Variants in NCOR1 observed in about 807,000 individuals in gnomAD.
NCOR1 encodes the protein protein phosphatase 1, regulatory subunit 109.
NCOR1 carries 63 observed loss-of-function variants against 288.1 expected under a neutral mutation model. The observed-to-expected ratio is 0.22, with a 90% CI of 0.18 to 0.27. The LOEUF (loss-of-function observed/expected upper bound fraction) is 0.27, where lower values mean the gene tolerates loss of function less well. NCOR1 is among the 10% of genes least tolerant of loss of function. The probability of loss-of-function intolerance (pLI) is 1.00; values close to 1 mark genes in which losing one functional copy is unlikely to be tolerated. For missense variants in NCOR1, 2,397 were observed against 3,019.2 expected, an observed-to-expected ratio of 0.79 and a Z score of 4.83; for synonymous variants, 1,007 against 1,065.9, an observed-to-expected ratio of 0.94 and a Z score of 1.08.
chr17:16,050,228 T>G (rs934552350), intron 40 of NCOR1, among the ~76,000 whole-genome samples: 1 of 151,044 alleles, frequency 6.6e-6, no homozygotes, highest in Admixed American at 6.6e-5. Context: ...ACCCTCAATT[T>G]TTTTTTTTTT....
At position 16,186,585 on chromosome 17, in the gene NCOR1, A is replaced by T; in HGVS notation, c.211T>A (p.Leu71Met). The change falls in exon 3 of 46, where the codon TTG (leucine) becomes ATG (methionine). Residue 71 changes from leucine (L) to methionine (M), a missense_variant. Leu to Met is a conservative substitution (Grantham distance 15). Coordinates refer to ENST00000268712, the MANE Select transcript of NCOR1 (RefSeq NM_006311.4). The part of the protein sequence containing the change: ...QQQQLRRRPS[L>M]LSEFHPGSDR... ...GAACCTGGGTGAAATTCTGAAAGCAAGGAAGGTCGCCTTCGAAGCTGTTGC... is the reference window on the plus strand; with the variant it reads ...GAACCTGGGTGAAATTCTGAAAGCATGGAAGGTCGCCTTCGAAGCTGTTGC... The T allele has an allele frequency of 6.2e-7, 1 of 1,614,136 alleles. No individual in the cohort carries two copies. Among genetic ancestry groups the T allele is most frequent in the Middle Eastern group, 1.6e-4 (1 of 6,062 alleles).
rs1423236473 is a variant in NCOR1, at chr17:16,030,014, C to T, written c.*2282G>A. ...TAGACCCCCTAAGTAGTCAAAAATC[C>T]ACATCTAACTTTGACTCCTCCAAAA... On this transcript the variant is annotated 3_prime_UTR_variant, in exon 46 of 46. Coordinates refer to ENST00000268712, the MANE Select transcript of NCOR1 (RefSeq NM_006311.4). 1 of 170,392 alleles carries T rather than the reference C, an allele frequency of 5.9e-6. No homozygotes were observed. Among genetic ancestry groups the T allele is most frequent in the Non-Finnish European group, 1.3e-5 (1 of 78,526 alleles). The allele number at this position is 170,392 out of a possible 1,614,324, so 10.6% of individuals were successfully genotyped here. A position where few individuals can be genotyped will look rare whatever the true frequency, so the allele number is the denominator to read the frequency against.
At chr17:16,183,230 C>CAAAA (rs59665102) in intron 3 of NCOR1, among the ~76,000 whole-genome samples, 23 of 64,056 alleles carry the variant, frequency 3.6e-4, no homozygotes, top group South Asian at 4.8e-4. Flanking sequence ...AGCAATCAAA[C>CAAAA]AAAAAAAAAA....
intron 45 of NCOR1, among the ~76,000 whole-genome samples, chr17:16,034,218 G>C (rs1236080557): frequency 2.0e-5 from 3 of 152,166 alleles, no homozygotes; most frequent in Non-Finnish European, 4.4e-5. Context: ...GAATGGTTGA[G>C]ATTATTTTTT....
chr17:16,047,915 G>A (rs968400453), intron 41 of NCOR1, among the ~76,000 whole-genome samples: 9 of 152,132 alleles, frequency 5.9e-5, no homozygotes, highest in Admixed American at 1.3e-4. Context: ...CATAAACGTA[G>A]GGGAAAGATG....
chr17:16,180,466 C>A (rs1396244244), intron 3 of NCOR1, among the ~76,000 whole-genome samples: 1 of 152,086 alleles, frequency 6.6e-6, no homozygotes, highest in Non-Finnish European at 1.5e-5. Context: ...ATAAAGATAT[C>A]TGGGGTGGGC....
rs1339613806 is a variant in NCOR1, at chr17:16,030,736, C to A, written c.*1560G>T. 1 of 179,424 alleles carries A rather than the reference C, an allele frequency of 5.6e-6. No homozygotes were observed. Among genetic ancestry groups the A allele is most frequent in the Admixed American group, 6.3e-5 (1 of 15,872 alleles). The allele number at this position is 179,424 out of a possible 1,614,324, so 11.1% of individuals were successfully genotyped here. A position where few individuals can be genotyped will look rare whatever the true frequency, so the allele number is the denominator to read the frequency against. Reference sequence around the variant, plus strand: ...ACAAATGTGGGCTTATGGCCTATCTCTGTCACTAATTTAACTATATGGGCA... The same window carrying A: ...ACAAATGTGGGCTTATGGCCTATCTATGTCACTAATTTAACTATATGGGCA... On this transcript the variant is annotated 3_prime_UTR_variant, in exon 46 of 46. Transcript: ENST00000268712.
Position 16,127,247 on chromosome 17 carries a change from GTA to G in NCOR1, c.1510-1043_1510-1042del, listed in dbSNP as rs529054011. 4.2e-3 allele frequency among the ~76,000 whole-genome samples: 536 copies of G among 129,068 alleles called. 132 individuals carry two copies. The highest frequency in any genetic ancestry group is 0.022 in the South Asian group (92 of 4,178). 84.7% of individuals were successfully genotyped at this position (129,068 alleles called of 152,430 possible). A position where few individuals can be genotyped will look rare whatever the true frequency, so the allele number is the denominator to read the frequency against. On this transcript the variant is annotated intron_variant, in intron 14 of 45. Coordinates refer to ENST00000268712, the MANE Select transcript of NCOR1 (RefSeq NM_006311.4). The stretch of plus-strand genomic sequence containing the variant: ...TATATACATGTATGCATATATGTAT[GTA>G]TATATGTGTGTGTATATATGTATGT...
chr17:16,066,731 T>C (rs117204737), intron 32 of NCOR1, among the ~76,000 whole-genome samples: 1,980 of 152,330 alleles, frequency 0.013, 33 homozygotes, highest in Non-Finnish European at 0.017. Flanking sequence ...TGAAACAGTG[T>C]TGTCAAATGA....
At chr17:16,176,567 C>G (rs904802461) in intron 3 of NCOR1, among the ~76,000 whole-genome samples, 1 of 152,138 alleles carries the variant, frequency 6.6e-6, no homozygotes, top group Non-Finnish European at 1.5e-5. Flanking sequence ...CCACGCCCGG[C>G]CTCTTTCAGT....
Position 16,037,131 on chromosome 17 carries a change from G to A in NCOR1, c.6956-2187C>T, listed in dbSNP as rs576764554. Among the ~76,000 whole-genome samples, 199 of 152,328 alleles carry A rather than the reference G, an allele frequency of 1.3e-3. 1 individual carries two copies. The highest frequency in any genetic ancestry group is 4.5e-3 in the African/African-American group (189 of 41,578). Reference sequence around the variant, plus strand: ...TCAGGGAATAAGGGAGCCAGAGGAGGAGAGAGACAGGGAACAACCAGTCAG... The same window carrying A: ...TCAGGGAATAAGGGAGCCAGAGGAGAAGAGAGACAGGGAACAACCAGTCAG... On this transcript the variant is annotated intron_variant, in intron 44 of 45. Coordinates refer to ENST00000268712, the MANE Select transcript of NCOR1 (RefSeq NM_006311.4).
At chr17:16,205,966 TAC>T (rs1181036703) in intron 1 of NCOR1, among the ~76,000 whole-genome samples, 1 of 147,966 alleles carries the variant, frequency 6.8e-6, no homozygotes, top group Non-Finnish European at 1.5e-5. Context: ...AAGAAAGAAA[TAC>T]AACTCTCCCC....
chr17:16,188,231 C>T (rs895618979), intron 2 of NCOR1, among the ~76,000 whole-genome samples: 1 of 152,034 alleles, frequency 6.6e-6, no homozygotes, highest in African/African-American at 2.4e-5. Context: ...CATTGAGAGC[C>T]CTTCTCTATA....
chr17:16,048,995 T>C lies in NCOR1; in HGVS notation c.6393-7A>G. 1 of 1,600,500 alleles carries C rather than the reference T, an allele frequency of 6.2e-7. No individual in the cohort carries two copies. Among genetic ancestry groups the C allele is most frequent in the Non-Finnish European group, 8.5e-7 (1 of 1,170,670 alleles). On this transcript the variant is annotated splice_region_variant and splice_polypyrimidine_tract_variant and intron_variant, in intron 40 of 45. Coordinates refer to ENST00000268712, the MANE Select transcript of NCOR1 (RefSeq NM_006311.4). ...TGGGGATTTTCCAGGCCTACTATTG[T>C]AATATGTGAAATATTAGATTGTGTT...
rs990632113 is a variant in NCOR1, at chr17:16,215,474, C to T, written c.-183G>A. Reference sequence around the variant, plus strand: ...CGTTCGGCGCGGCGAGTCGGACGCTCACTCCAGCCGCCGCCGCCGCCGCGG... The same window carrying T: ...CGTTCGGCGCGGCGAGTCGGACGCTTACTCCAGCCGCCGCCGCCGCCGCGG... On this transcript the variant is annotated 5_prime_UTR_variant, in exon 1 of 46. It removes the in-frame stop codon of an upstream open reading frame in the 5' UTR. Coordinates refer to ENST00000268712, the MANE Select transcript of NCOR1 (RefSeq NM_006311.4). The T allele has an allele frequency of 3.4e-4, 134 of 398,250 alleles. 1 individual carries two copies. The highest frequency in any genetic ancestry group is 6.3e-4 in the Middle Eastern group (1 of 1,586). 24.7% of individuals were successfully genotyped at this position (398,250 alleles called of 1,614,324 possible).
intron 9 of NCOR1, among the ~76,000 whole-genome samples, chr17:16,147,824 TC>T (rs2078223273): frequency 6.6e-6 from 1 of 152,096 alleles, no homozygotes; most frequent in South Asian, 2.1e-4. Flanking sequence ...AAATGCAAAT[TC>T]TTTTTTTTTT....
intron 1 of NCOR1, among the ~76,000 whole-genome samples, chr17:16,204,097 G>A (rs955163064): frequency 6.6e-6 from 1 of 151,950 alleles, no homozygotes; most frequent in African/African-American, 2.4e-5. Context: ...GGTAATCAAA[G>A]AGATCAAAAT....
At chr17:16,106,166 A>G (rs748904821) in intron 19 of NCOR1, among the ~76,000 whole-genome samples, 38 of 152,096 alleles carry the variant, frequency 2.5e-4, no homozygotes, top group Non-Finnish European at 3.4e-4. Context: ...GATCCTACCA[A>G]AGCATTGAAA....
chr17:16,125,940 T>G (rs761340895), intron 15 of NCOR1, 142 bp downstream of exon 15: 10 of 478,752 alleles, frequency 2.1e-5, no homozygotes, highest in African/African-American at 6.1e-5. Flanking sequence ...ATGTACACTA[T>G]TTGGGCGATG....
Sources: gnomAD v4.1 joint callset for allele counts (sites outside exome capture counted in the v4.1 genomes callset) on GRCh38, gnomAD v4.1.1 for gene constraint, MANE v1.5 for transcripts, NCBI Gene and HGNC (gene_info 2026-07-23, HGNC 2026-07-21) for gene names.